SGCZ: variants seen among roughly 807,000 people sequenced by gnomAD.
SGCZ encodes the protein sarcoglycan zeta.
In SGCZ, 40 loss-of-function variants were observed where a neutral mutation model predicts 41.3. The observed-to-expected ratio is 0.97, with a 90% CI of 0.75 to 1.26. The LOEUF (loss-of-function observed/expected upper bound fraction) is 1.26, where lower values mean the gene tolerates loss of function less well. Among genes scored for constraint, SGCZ ranks in the 50% most tolerant of loss-of-function variants. SGCZ has a pLI of 0.00. For missense variants in SGCZ, 552 were observed against 369.8 expected (o/e 1.49, Z -4.04); for synonymous variants, 206 against 137.5 (o/e 1.50, Z -3.49).
At position 14,150,831 on chromosome 8, in the gene SGCZ, A is replaced by G. The variant is rs917207145; in HGVS notation, c.547+13749T>C. On this transcript the variant is annotated intron_variant, in intron 5 of 7. Transcript: ENST00000382080. ...ATGTGGTCCATATACATAATGGAGT[A>G]CTGTTTTGCCATAAAAAAGAATGAA... Among the ~76,000 whole-genome samples the G allele has an allele frequency of 2.0e-5, 3 of 152,184 alleles. No individual in the cohort carries two copies. The South Asian group carries it at 6.2e-4, about 31-fold the overall frequency.
intron 2 of SGCZ, among the ~76,000 whole-genome samples, chr8:14,492,245 G>A (rs1055504522): frequency 3.3e-5 from 5 of 152,242 alleles, no homozygotes; most frequent in African/African-American, 1.2e-4. Flanking sequence ...ACTTCAAAAT[G>A]TACTTATCAC....
At chr8:14,874,001 G>A (rs1430763599) in intron 1 of SGCZ, among the ~76,000 whole-genome samples, 1 of 151,884 alleles carries the variant, frequency 6.6e-6, no homozygotes, top group Non-Finnish European at 1.5e-5. Context: ...CAACATTATG[G>A]GGCAAAAATA....
rs1425201373 is a variant in SGCZ at position 14,784,970 on chromosome 8, A to G, written c.40-230044T>C. ...ATTTTTTATATTATATATATATAAT[A>G]TATATATTTTTTATATATTATATAT... On this transcript the variant is annotated intron_variant, in intron 1 of 7. Transcript: ENST00000382080. Among the ~76,000 whole-genome samples, 16 of 141,494 alleles carry G rather than the reference A, an allele frequency of 1.1e-4. No homozygotes were observed. In the South Asian group the frequency reaches 3.5e-3, roughly 31 times the overall value. The allele number at this position is 141,494 out of a possible 152,430, so 92.8% of individuals were successfully genotyped here.
intron 1 of SGCZ, among the ~76,000 whole-genome samples, chr8:14,920,583 A>G (rs1799560342): frequency 6.6e-6 from 1 of 152,204 alleles, no homozygotes; most frequent in Non-Finnish European, 1.5e-5. Context: ...GAGGAAAAAA[A>G]GATAAGATGG....
chr8:14,993,370 G>A (rs1366143600), intron 1 of SGCZ, among the ~76,000 whole-genome samples: 1 of 152,094 alleles, frequency 6.6e-6, no homozygotes, highest in Non-Finnish European at 1.5e-5. Context: ...TTCTAGGAAT[G>A]GGGCTTGAGC....
intron 5 of SGCZ, among the ~76,000 whole-genome samples, chr8:14,157,349 T>TGTGTGTGTGTGA (rs1803907515): frequency 7.7e-6 from 1 of 130,448 alleles, no homozygotes; most frequent in Non-Finnish European, 1.6e-5. Context: ...TGTGTGTGTG[T>TGTGTGTGTGTGA]GTGTGTGTGT....
chr8:14,235,981 C>T (rs981976875), intron 4 of SGCZ, among the ~76,000 whole-genome samples: 4 of 152,178 alleles, frequency 2.6e-5, no homozygotes, highest in Admixed American at 6.5e-5. Context: ...CCGTGCCTGA[C>T]CCTTAATTTA....
At chr8:15,005,209 G>A (rs1009860359) in intron 1 of SGCZ, among the ~76,000 whole-genome samples, 2 of 151,998 alleles carry the variant, frequency 1.3e-5, no homozygotes, top group Non-Finnish European at 2.9e-5. Context: ...AGTTCAAAAG[G>A]CATGGTACCA....
At chr8:14,104,778 G>C (rs185268067) in intron 6 of SGCZ, among the ~76,000 whole-genome samples, 1 of 152,034 alleles carries the variant, frequency 6.6e-6, no homozygotes, top group African/African-American at 2.4e-5. Flanking sequence ...TGTGTTTCTA[G>C]AGATTAACTT....
At chr8:14,524,676 T>A (rs1034662419) in intron 2 of SGCZ, among the ~76,000 whole-genome samples, 1 of 152,100 alleles carries the variant, frequency 6.6e-6, no homozygotes, top group African/African-American at 2.4e-5. Context: ...TTCTAACCAA[T>A]TGATAGGAAA....
At chr8:14,749,157 T>C (rs911164734) in intron 1 of SGCZ, among the ~76,000 whole-genome samples, 5 of 152,156 alleles carry the variant, frequency 3.3e-5, no homozygotes, top group African/African-American at 1.2e-4. Context: ...AAACTGAGAT[T>C]ATATTTATAA....
intron 1 of SGCZ, among the ~76,000 whole-genome samples, chr8:14,842,672 G>C: frequency 6.6e-6 from 1 of 152,158 alleles, no homozygotes. Flanking sequence ...TTTATGTAAA[G>C]AGTAACAGAA....
chr8:15,180,419 C>T (rs114831714), intron 1 of SGCZ, among the ~76,000 whole-genome samples: 3,519 of 152,230 alleles, frequency 0.023, 61 homozygotes, highest in South Asian at 0.064. Flanking sequence ...TATTTTAGGG[C>T]TCAGTAACAT....
intron 1 of SGCZ, among the ~76,000 whole-genome samples, chr8:14,714,480 T>G (rs191317819): frequency 9.9e-4 from 151 of 152,326 alleles, no homozygotes; most frequent in African/African-American, 3.6e-3. Context: ...AAAAGCTATA[T>G]GGAATATTTT....
intron 4 of SGCZ, among the ~76,000 whole-genome samples, chr8:14,219,620 G>A (rs894849303): frequency 5.9e-5 from 9 of 152,140 alleles, no homozygotes; most frequent in Non-Finnish European, 1.3e-4. Flanking sequence ...GGTGGCGCGT[G>A]CCTATAGTCC....
At chr8:14,391,702 G>C (rs571693347) in intron 2 of SGCZ, among the ~76,000 whole-genome samples, 9 of 152,198 alleles carry the variant, frequency 5.9e-5, no homozygotes, top group Admixed American at 2.0e-4. Context: ...GAACGGGAGT[G>C]TTTTAGTTTG....
At chr8:14,347,641 C>T (rs1366561175) in intron 2 of SGCZ, among the ~76,000 whole-genome samples, 1 of 150,752 alleles carries the variant, frequency 6.6e-6, no homozygotes, top group Admixed American at 6.6e-5. Flanking sequence ...AATACATATA[C>T]ACATAGGTAA....
chr8:14,970,618 T>C (rs1801260665), intron 1 of SGCZ, among the ~76,000 whole-genome samples: 1 of 152,160 alleles, frequency 6.6e-6, no homozygotes, highest in African/African-American at 2.4e-5. Flanking sequence ...TTCACATATG[T>C]GTGCACCTAT....
intron 1 of SGCZ, among the ~76,000 whole-genome samples, chr8:14,857,727 G>A (rs1040668417): frequency 1.3e-4 from 20 of 152,026 alleles, no homozygotes; most frequent in African/African-American, 4.6e-4. Flanking sequence ...TTAGCCCAGC[G>A]TGGTGGCAAG....
Sources: allele counts gnomAD v4.1 joint callset (sites outside exome capture counted in the v4.1 genomes callset), GRCh38; gene constraint gnomAD v4.1.1; transcripts MANE v1.5; gene names NCBI Gene and HGNC (gene_info 2026-07-23, HGNC 2026-07-21).